The following TMEM131 variants were observed in gnomAD, a reference collection of about 807,000 sequenced individuals.
TMEM131 encodes transmembrane protein 131, also known as 2610524E03Rik.
In TMEM131, 66 loss-of-function variants were observed where a neutral mutation model predicts 211.6. The ratio of observed to expected loss-of-function variants is 0.31; its 90% CI spans 0.26 to 0.38. The LOEUF is 0.38. TMEM131 is among the 10% of genes least tolerant of loss of function. The pLI is 1.00. For missense variants in TMEM131, 2,036 were observed against 2,299.3 expected (o/e 0.89, Z 2.34); for synonymous variants, 844 against 841.3 (o/e 1.00, Z -0.06).
intron 31 of TMEM131, among the ~76,000 whole-genome samples, chr2:97,777,987 C>T (rs1163460361): frequency 1.3e-5 from 2 of 152,212 alleles, no homozygotes; most frequent in Middle Eastern, 3.2e-3. Flanking sequence ...GAGAGTTCAA[C>T]AGCCCAGGCT....
chr2:97,806,688 A>G (rs1004627437), intron 19 of TMEM131, among the ~76,000 whole-genome samples: 1 of 152,226 alleles, frequency 6.6e-6, no homozygotes, highest in African/African-American at 2.4e-5. Flanking sequence ...CTCCAGAAGA[A>G]TATTACAATC....
At chr2:97,757,727 T>C (rs1244111980) in intron 40 of TMEM131, among the ~76,000 whole-genome samples, 1 of 152,164 alleles carries the variant, frequency 6.6e-6, no homozygotes, top group East Asian at 1.9e-4. Context: ...AAAGACAGCT[T>C]GTGGACCAAA....
At chr2:97,971,068 A>G (rs1054234074) in intron 1 of TMEM131, among the ~76,000 whole-genome samples, 1 of 152,262 alleles carries the variant, frequency 6.6e-6, no homozygotes. Context: ...TTATTTAAAC[A>G]TATGAAGAAG....
intron 4 of TMEM131, among the ~76,000 whole-genome samples, chr2:97,878,788 T>TGTAC (rs200201252): frequency 0.035 from 5,316 of 152,170 alleles, 298 homozygotes; most frequent in African/African-American, 0.11. Context: ...ATGGCACATG[T>TGTAC]GTACCTATGT....
intron 1 of TMEM131, among the ~76,000 whole-genome samples, chr2:97,939,335 T>TA (rs1677608537): frequency 6.6e-6 from 1 of 151,990 alleles, no homozygotes; most frequent in Non-Finnish European, 1.5e-5. Context: ...TAAAAAATGA[T>TA]AAAGGAGATA....
intron 32 of TMEM131, among the ~76,000 whole-genome samples, chr2:97,773,654 G>T (rs1000044029): frequency 5.4e-4 from 79 of 146,548 alleles, no homozygotes; most frequent in African/African-American, 1.5e-3. Context: ...ATTATGTGTG[G>T]TTTTTTTTTT....
intron 3 of TMEM131, among the ~76,000 whole-genome samples, chr2:97,897,464 CTGAACAGATGCTGAATGT>C: frequency 6.6e-6 from 1 of 152,204 alleles, no homozygotes; most frequent in South Asian, 2.1e-4. Flanking sequence ...TCTTAATGTG[CTGAACAGATGCTGAATGT>C]TGTCACAGGC....
intron 38 of TMEM131, 128 bp downstream of exon 38, chr2:97,760,465 C>T (rs1240413732): frequency 1.1e-6 from 1 of 882,348 alleles, no homozygotes; most frequent in Admixed American, 2.3e-5. Context: ...GGCACTTGAC[C>T]ACTTCTGACA....
At chr2:97,803,267 G>A (rs1681118992) in intron 22 of TMEM131, among the ~76,000 whole-genome samples, 1 of 152,190 alleles carries the variant, frequency 6.6e-6, no homozygotes, top group Non-Finnish European at 1.5e-5. Flanking sequence ...TAGGACTAAT[G>A]AGAAGGCAGT....
intron 11 of TMEM131, among the ~76,000 whole-genome samples, chr2:97,824,163 C>T (rs1682265913): frequency 6.6e-6 from 1 of 152,182 alleles, no homozygotes; most frequent in Admixed American, 6.5e-5. Context: ...ATAAGCCACC[C>T]CCTCACCCAT....
At chr2:97,815,358 A>G (rs777542107) in intron 12 of TMEM131, 51 bp from the exon 13 acceptor site, 4 of 1,170,160 alleles carry the variant, frequency 3.4e-6, no homozygotes, top group African/African-American at 1.6e-5. Context: ...TACCAAAGAG[A>G]ATTAGTGAAT....
chr2:97,943,069 GAAAGAAAGAAAGAA>G, intron 1 of TMEM131, among the ~76,000 whole-genome samples: 1 of 136,178 alleles, frequency 7.3e-6, no homozygotes, highest in Non-Finnish European at 1.7e-5. Flanking sequence ...AAGAAAGAAA[GAAAGAAAGAAAGAA>G]AGAAAGAAAG....
In TMEM131 at chr2:97,820,631, C is replaced by T. The variant is rs551084831; in HGVS notation, c.1075-1910G>A. Among the ~76,000 whole-genome samples the T allele has an allele frequency of 2.0e-5, 3 of 151,998 alleles. No individual in the cohort carries two copies. In the South Asian group the frequency reaches 6.2e-4, roughly 32 times the overall value. Reference sequence around the variant, plus strand: ...CCTAGCACGTTGGGAGGCCAAGGCACGTGGATCATGAGGTCAGGAGTTCAA... The same window carrying T: ...CCTAGCACGTTGGGAGGCCAAGGCATGTGGATCATGAGGTCAGGAGTTCAA... On this transcript the variant is annotated intron_variant, in intron 11 of 40. Coordinates refer to ENST00000186436, the MANE Select transcript of TMEM131 (RefSeq NM_015348.2).
At chr2:97,969,905 G>C (rs750598614) in intron 1 of TMEM131, among the ~76,000 whole-genome samples, 5 of 152,132 alleles carry the variant, frequency 3.3e-5, no homozygotes, top group African/African-American at 1.2e-4. Context: ...CTTTCACAAC[G>C]ATCTGTCTGA....
At chr2:97,927,221 T>C (rs1385374051) in intron 2 of TMEM131, among the ~76,000 whole-genome samples, 1 of 152,170 alleles carries the variant, frequency 6.6e-6, no homozygotes, top group Non-Finnish European at 1.5e-5. Flanking sequence ...CACAATGAGT[T>C]TGCATTTTAA....
chr2:97,788,517 C>T (rs148580945), intron 31 of TMEM131, among the ~76,000 whole-genome samples: 42 of 152,318 alleles, frequency 2.8e-4, no homozygotes, highest in African/African-American at 8.2e-4. Context: ...TACCAACTCA[C>T]GCACATCTGC....
intron 13 of TMEM131, 63 bp from the exon 14 acceptor site, chr2:97,814,451 C>A: frequency 7.1e-7 from 1 of 1,411,870 alleles, no homozygotes; most frequent in South Asian, 1.4e-5. Flanking sequence ...AATTTAAAAT[C>A]CAAGTTCTTC....
rs1553601703 is a variant in TMEM131 at position 97,818,481 on chromosome 2, G to GA, written c.1183+131dup. ...TTTACAGCGGGGGGGGGCGGGGGGG[G>GA]ATCAACCTAAGCAGTAATATAAATT... is the stretch of plus-strand genomic sequence containing the variant. On this transcript the variant is annotated intron_variant, in intron 12 of 40. Transcript: ENST00000186436. The GA allele has an allele frequency of 9.5e-5, 28 of 293,222 alleles. 1 individual carries two copies. Among genetic ancestry groups the GA allele is most frequent in the African/African-American group, 5.0e-4 (10 of 20,058 alleles). The allele number at this position is 293,222 out of a possible 1,614,324, so 18.2% of individuals were successfully genotyped here.
chr2:97,787,247 T>G (rs534479555), intron 31 of TMEM131, among the ~76,000 whole-genome samples: 66 of 152,378 alleles, frequency 4.3e-4, no homozygotes, highest in African/African-American at 1.2e-3. Flanking sequence ...CTGAGCTAGG[T>G]GCTCTGAATG....
Sources: allele counts gnomAD v4.1 joint callset (sites outside exome capture counted in the v4.1 genomes callset), GRCh38; gene constraint gnomAD v4.1.1; transcripts MANE v1.5; gene names NCBI Gene and HGNC (gene_info 2026-07-23, HGNC 2026-07-21).